Variants in KIF1B observed in about 807,000 individuals in gnomAD.
KIF1B encodes kinesin-like protein KIF1B.
Under a neutral mutation model 241.9 loss-of-function variants are expected in KIF1B, and 76 were observed. The ratio of observed to expected loss-of-function variants is 0.31; its 90% CI spans 0.26 to 0.38. The LOEUF is 0.38. Ranked by LOEUF, KIF1B falls within the 10% of genes least tolerant of loss-of-function variation. KIF1B has a pLI of 1.00. For synonymous variants in KIF1B, 750 were observed against 796.7 expected, an observed-to-expected ratio of 0.94 and a Z score of 0.99; for missense variants, 1,622 against 2,271.4, an observed-to-expected ratio of 0.71 and a Z score of 5.81.
chr1:10,247,986 A>T, intron 2 of KIF1B, among the ~76,000 whole-genome samples: 1 of 152,132 alleles, frequency 6.6e-6, no homozygotes, highest in East Asian at 1.9e-4. Flanking sequence ...TGATGCCGCC[A>T]CTGATCTGAC....
intron 2 of KIF1B, among the ~76,000 whole-genome samples, chr1:10,238,381 C>CAAAAAAAAAA (rs755794359): frequency 2.3e-5 from 2 of 87,136 alleles, no homozygotes; most frequent in African/African-American, 8.7e-5. Flanking sequence ...AACTTTGTCT[C>CAAAAAAAAAA]AAAAAAAAAA....
intron 48 of KIF1B, 129 bp from the exon 49 acceptor site, chr1:10,376,416 C>A (rs1211565221): frequency 2.3e-6 from 2 of 883,618 alleles, no homozygotes; most frequent in African/African-American, 3.3e-5. Context: ...GAGTAGACGG[C>A]TTAGAGGACT....
intron 4 of KIF1B, among the ~76,000 whole-genome samples, chr1:10,261,463 C>T (rs933578922): frequency 2.0e-5 from 3 of 151,686 alleles, no homozygotes; most frequent in Non-Finnish European, 2.9e-5. Context: ...AAGATGTTCT[C>T]GATCTCCTGA....
intron 22 of KIF1B, chr1:10,305,076 T>C: frequency 9.3e-7 from 1 of 1,069,546 alleles, no homozygotes. Context: ...TATTCATAAA[T>C]GTTAGAAATT....
At chr1:10,305,809 A>G in intron 22 of KIF1B, 1 of 1,053,942 alleles carries the variant, frequency 9.5e-7, no homozygotes, top group Non-Finnish European at 1.1e-6. Flanking sequence ...TGGGAAGAAA[A>G]GAATTATTTT....
intron 2 of KIF1B, among the ~76,000 whole-genome samples, chr1:10,238,784 T>A (rs1647093815): frequency 6.6e-6 from 1 of 152,198 alleles, no homozygotes; most frequent in Non-Finnish European, 1.5e-5. Flanking sequence ...ATACTTTTTT[T>A]AGTATAAATT....
chr1:10,229,721 C>T (rs1326773399), intron 1 of KIF1B, among the ~76,000 whole-genome samples: 1 of 150,996 alleles, frequency 6.6e-6, no homozygotes, highest in African/African-American at 2.4e-5. Context: ...ATTAGCCAGG[C>T]GTGGTGGCAG....
chr1:10,349,440 A>G (rs1652709121), intron 37 of KIF1B, among the ~76,000 whole-genome samples: 1 of 151,988 alleles, frequency 6.6e-6, no homozygotes, highest in African/African-American at 2.4e-5. Flanking sequence ...GTCTCAAAAA[A>G]AAAAAGAAAA....
chr1:10,278,938 T>TCCGAGTTTAGACTCGGATA, intron 13 of KIF1B, 159 bp from the exon 14 acceptor site: 1 of 513,900 alleles, frequency 1.9e-6, no homozygotes, highest in South Asian at 3.2e-5. Flanking sequence ...TTGATTAGAG[T>TCCGAGTTTAGACTCGGATA]CCGAGTTTAG....
rs182360949 is a variant in KIF1B, at chr1:10,312,168, C to T, written c.2116-7875C>T. On this transcript the variant is annotated intron_variant, in intron 22 of 48. Transcript: ENST00000676179. ...CTGACATCCAAATCACTGGCAGGCA[C>T]CTTACATTTAAATCATTTGAACTGG... Among the ~76,000 whole-genome samples the T allele has an allele frequency of 3.3e-5, 5 of 151,574 alleles. No homozygotes were observed. In the East Asian group the frequency reaches 9.7e-4, roughly 29 times the overall value.
intron 15 of KIF1B, among the ~76,000 whole-genome samples, chr1:10,286,335 A>C (rs1224553923): frequency 6.6e-6 from 1 of 152,160 alleles, no homozygotes; most frequent in Admixed American, 6.5e-5. Flanking sequence ...CCACCATGCC[A>C]GGTCTTCCTG....
chr1:10,300,682 T>C lies in KIF1B; in HGVS notation c.2115+3436T>C, dbSNP rs553288102. 1.3e-3 allele frequency among the ~76,000 whole-genome samples: 200 copies of C among 152,308 alleles called. 1 individual carries two copies. Among genetic ancestry groups the C allele is most frequent in the African/African-American group, 4.6e-3 (192 of 41,574 alleles). ...TGGTTATGTGGGAAAGAATCAAAGA[T>C]AATTTGTTTATGTTCTGTAAAATTC... On this transcript the variant is annotated intron_variant, in intron 22 of 48. Transcript: ENST00000676179.
chr1:10,266,698 A>G (rs1211111933), intron 5 of KIF1B, among the ~76,000 whole-genome samples: 2 of 152,206 alleles, frequency 1.3e-5, no homozygotes, highest in Admixed American at 6.5e-5. Context: ...AGTAACCTCA[A>G]TGCAAATCCC....
chr1:10,341,641 A>G (rs889296687), intron 32 of KIF1B, among the ~76,000 whole-genome samples: 7 of 152,252 alleles, frequency 4.6e-5, no homozygotes, highest in African/African-American at 1.7e-4. Context: ...AGAGTCCTGC[A>G]TAGTAAAATA....
At chr1:10,234,361 C>T (rs181094995) in intron 2 of KIF1B, among the ~76,000 whole-genome samples, 5 of 152,060 alleles carry the variant, frequency 3.3e-5, no homozygotes, top group African/African-American at 1.2e-4. Flanking sequence ...GCACCCACCA[C>T]TATGCCTGGC....
intron 22 of KIF1B, among the ~76,000 whole-genome samples, chr1:10,314,541 T>A (rs1401541404): frequency 6.6e-6 from 1 of 151,410 alleles, no homozygotes; most frequent in Non-Finnish European, 1.5e-5. Flanking sequence ...CACCTTAGCG[T>A]CCCGAGTAAC....
At chr1:10,302,261 T>G (rs948267088) in intron 22 of KIF1B, among the ~76,000 whole-genome samples, 3 of 152,210 alleles carry the variant, frequency 2.0e-5, no homozygotes, top group Admixed American at 2.0e-4. Context: ...CTTTATTGAT[T>G]TGTGTGTGTG....
chr1:10,291,250 A>G, intron 16 of KIF1B, 89 bp downstream of exon 16: 1 of 984,434 alleles, frequency 1.0e-6, no homozygotes, highest in Non-Finnish European at 1.5e-6. Flanking sequence ...ATAAATTAAA[A>G]TCAAAGAGTC....
intron 2 of KIF1B, among the ~76,000 whole-genome samples, chr1:10,234,437 A>T (rs1165246465): frequency 1.3e-5 from 2 of 151,430 alleles, no homozygotes; most frequent in Non-Finnish European, 2.9e-5. Context: ...CAAACTCCTG[A>T]CTTCAAGTGA....
Sources: allele counts gnomAD v4.1 joint callset (sites outside exome capture counted in the v4.1 genomes callset), GRCh38; gene constraint gnomAD v4.1.1; transcripts MANE v1.5; gene names NCBI Gene and HGNC (gene_info 2026-07-23, HGNC 2026-07-21).